Variants in CDH11 observed in about 807,000 individuals in gnomAD.
CDH11 encodes cadherin-11.
In CDH11, 11 loss-of-function variants were observed where a neutral mutation model predicts 67.8. That is an observed-to-expected ratio of 0.16 (90% CI 0.10 to 0.27). The LOEUF (loss-of-function observed/expected upper bound fraction) is 0.27. Among genes scored for constraint, CDH11 ranks in the 10% least tolerant of loss-of-function variants. The pLI, the probability that CDH11 is intolerant of heterozygous loss-of-function variation, is 1.00. For synonymous variants in CDH11, 419 were observed against 400.0 expected (o/e 1.05, Z -0.57); for missense variants, 847 against 1,031.2 (o/e 0.82, Z 2.45).
At chr16:65,120,918 G>A (rs1206370258) in intron 1 of CDH11, among the ~76,000 whole-genome samples, 3 of 152,144 alleles carry the variant, frequency 2.0e-5, no homozygotes, top group Non-Finnish European at 4.4e-5. Flanking sequence ...GGGGAGGGGG[G>A]AGAAGGGAGC....
intron 2 of CDH11, among the ~76,000 whole-genome samples, chr16:65,024,444 G>A (rs1161153247): frequency 6.6e-6 from 1 of 152,116 alleles, no homozygotes; most frequent in Non-Finnish European, 1.5e-5. Flanking sequence ...GAAGTTCTCT[G>A]TGTGATTCCA....
intron 7 of CDH11, chr16:64,983,344 A>G (rs937693680): frequency 1.3e-5 from 2 of 152,184 alleles, no homozygotes; most frequent in Non-Finnish European, 2.9e-5. Context: ...AAAGGATGGA[A>G]AGTAACATTG....
intron 1 of CDH11, among the ~76,000 whole-genome samples, chr16:65,086,329 C>T (rs751430212): frequency 3.3e-5 from 5 of 152,148 alleles, no homozygotes; most frequent in Admixed American, 6.5e-5. Context: ...GTCACTTGCA[C>T]GGCTCTTTAA....
At chr16:65,008,742 G>A (rs1228426248) in intron 2 of CDH11, among the ~76,000 whole-genome samples, 3 of 152,118 alleles carry the variant, frequency 2.0e-5, no homozygotes, top group Non-Finnish European at 4.4e-5. Flanking sequence ...ATTTGTTTGA[G>A]TTTGAAGTTC....
chr16:65,019,381 C>T (rs1425562562), intron 2 of CDH11, among the ~76,000 whole-genome samples: 3 of 152,094 alleles, frequency 2.0e-5, no homozygotes, highest in African/African-American at 7.2e-5. Flanking sequence ...AAAGTGGAGA[C>T]TTAATTTTCC....
intron 1 of CDH11, among the ~76,000 whole-genome samples, chr16:65,065,269 C>T (rs994304774): frequency 4.6e-5 from 7 of 152,150 alleles, no homozygotes; most frequent in African/African-American, 9.7e-5. Flanking sequence ...TGACGCATGC[C>T]GTGCATTTTA....
At chr16:65,019,543 A>G (rs2073380382) in intron 2 of CDH11, among the ~76,000 whole-genome samples, 1 of 152,124 alleles carries the variant, frequency 6.6e-6, no homozygotes, top group African/African-American at 2.4e-5. Context: ...TTAACACTAA[A>G]GCTAATTTTA....
intron 9 of CDH11, 106 bp from the exon 10 acceptor site, chr16:64,972,170 G>T: frequency 1.1e-6 from 1 of 939,356 alleles, no homozygotes; most frequent in Non-Finnish European, 1.7e-6. Context: ...TCTGGGCAGT[G>T]CAGGGAAAGA....
At chr16:64,976,755 A>G (rs914110766) in intron 8 of CDH11, among the ~76,000 whole-genome samples, 1 of 152,076 alleles carries the variant, frequency 6.6e-6, no homozygotes. Context: ...GCTACTTGGG[A>G]GAGAATTGCT....
chr16:65,002,005 C>T (rs2072931909), intron 3 of CDH11, among the ~76,000 whole-genome samples: 2 of 152,170 alleles, frequency 1.3e-5, no homozygotes, highest in African/African-American at 4.8e-5. Context: ...ATCTTAAGCA[C>T]TCAACCTTGA....
intron 2 of CDH11, among the ~76,000 whole-genome samples, chr16:65,026,451 T>C (rs1400408503): frequency 2.6e-5 from 4 of 152,206 alleles, no homozygotes; most frequent in African/African-American, 9.7e-5. Context: ...TCTACTTTAC[T>C]ATAATTCTTT....
At chr16:65,084,301 CA>C (rs918032412) in intron 1 of CDH11, among the ~76,000 whole-genome samples, 1 of 142,346 alleles carries the variant, frequency 7.0e-6, no homozygotes, top group Admixed American at 7.1e-5. Flanking sequence ...CCTGCCTGGG[CA>C]AACATTAGTT....
At chr16:64,982,006 TA>T in intron 8 of CDH11, 41 bp downstream of exon 8, 1 of 1,547,896 alleles carries the variant, frequency 6.5e-7, no homozygotes, top group African/African-American at 1.4e-5. Flanking sequence ...CTCTTGACTC[TA>T]AAATTCCCCA....
intron 1 of CDH11, among the ~76,000 whole-genome samples, chr16:65,074,294 TTAAC>T (rs1407151242): frequency 6.6e-6 from 1 of 152,138 alleles, no homozygotes; most frequent in Non-Finnish European, 1.5e-5. Context: ...TATACCCAAA[TTAAC>T]TGTCTGTCAC....
chr16:64,967,620 C>T (rs9937279), intron 11 of CDH11, among the ~76,000 whole-genome samples: 7,295 of 151,968 alleles, frequency 0.048, 625 homozygotes, highest in African/African-American at 0.17. Context: ...TATTGACATA[C>T]ATATATTGAT....
intron 2 of CDH11, among the ~76,000 whole-genome samples, chr16:65,048,563 G>A (rs1008976369): frequency 5.9e-5 from 9 of 151,864 alleles, no homozygotes; most frequent in Non-Finnish European, 1.2e-4. Flanking sequence ...ATATATATGT[G>A]TGTGTAAAAT....
chr16:65,103,059 T>C (rs1030456717), intron 1 of CDH11, among the ~76,000 whole-genome samples: 2 of 152,206 alleles, frequency 1.3e-5, no homozygotes, highest in South Asian at 2.1e-4. Context: ...TGCACATTCA[T>C]GCAGGTGCCT....
rs567660606 is a variant in CDH11, at chr16:64,985,752, T to C, written c.999+2405A>G. On this transcript the variant is annotated intron_variant, in intron 7 of 12. Coordinates refer to ENST00000268603, the MANE Select transcript of CDH11 (RefSeq NM_001797.4). Reference sequence around the variant, plus strand: ...GGTAGAGCACGTGCTTAATGACCTTTAGTGAGGGGAAGCCTGGGATACTAG... The same window carrying C: ...GGTAGAGCACGTGCTTAATGACCTTCAGTGAGGGGAAGCCTGGGATACTAG... 3.4e-5 allele frequency: 5 copies of C among 148,302 alleles called. No homozygotes were observed. In the South Asian group the frequency reaches 1.1e-3, roughly 33 times the overall value. The allele number at this position is 148,302 out of a possible 1,614,324, so 9.2% of individuals were successfully genotyped here. A position where few individuals can be genotyped will look rare whatever the true frequency, so the allele number is the denominator to read the frequency against.
At position 64,956,701 on chromosome 16, in the gene CDH11, A is replaced by C. The variant is rs549886712; in HGVS notation, c.1643-5683T>G. Among the ~76,000 whole-genome samples the C allele has an allele frequency of 2.0e-5, 3 of 152,316 alleles. No individual in the cohort carries two copies. The South Asian group carries it at 6.2e-4, about 32-fold the overall frequency. ...TAGTGTTTCTATTAATGGAAAAACA[A>C]ATTCAGGCTTCTAAGTTTTAGTCCA... On this transcript the variant is annotated intron_variant, in intron 11 of 12. Transcript: ENST00000268603.
Sources: allele counts gnomAD v4.1 joint callset (sites outside exome capture counted in the v4.1 genomes callset), GRCh38; gene constraint gnomAD v4.1.1; transcripts MANE v1.5; gene names NCBI Gene and HGNC (gene_info 2026-07-23, HGNC 2026-07-21).